Variants in SUCLG2 observed in about 807,000 individuals in gnomAD.
SUCLG2 encodes the protein succinate-CoA ligase GDP-forming subunit beta, also known as succinate--CoA ligase [GDP-forming] subunit beta, mitochondrial.
A neutral mutation model predicts 47.9 loss-of-function variants in SUCLG2; 42 were observed. The observed-to-expected ratio is 0.88, with a 90% CI of 0.69 to 1.14. The LOEUF (loss-of-function observed/expected upper bound fraction) is 1.14, where lower values mean the gene tolerates loss of function less well. Among genes scored for constraint, SUCLG2 ranks in the 50% most tolerant of loss-of-function variants. The probability of loss-of-function intolerance (pLI) is 0.00; values close to 1 mark genes in which losing one functional copy is unlikely to be tolerated. For missense variants in SUCLG2, 571 were observed against 525.9 expected, an observed-to-expected ratio of 1.09 and a Z score of -0.84; for synonymous variants, 195 against 197.3, an observed-to-expected ratio of 0.99 and a Z score of 0.10.
intron 7 of SUCLG2, among the ~76,000 whole-genome samples, chr3:67,504,012 A>C (rs147709045): frequency 0.014 from 2,205 of 152,336 alleles, 22 homozygotes; most frequent in Non-Finnish European, 0.021. Context: ...ATAAAACAGC[A>C]GGAAATAAGA....
chr3:67,477,848 G>A (rs1704807790), intron 9 of SUCLG2, among the ~76,000 whole-genome samples: 1 of 152,106 alleles, frequency 6.6e-6, no homozygotes, highest in Non-Finnish European at 1.5e-5. Flanking sequence ...TACTTATTTT[G>A]TGGAATAAAA....
intron 2 of SUCLG2, among the ~76,000 whole-genome samples, chr3:67,576,698 C>A (rs923703866): frequency 3.3e-5 from 5 of 152,180 alleles, no homozygotes. Context: ...TTTTTCCCAA[C>A]TGTTGATTTT....
intron 2 of SUCLG2, among the ~76,000 whole-genome samples, chr3:67,578,864 G>A (rs1559580398): frequency 6.6e-6 from 1 of 152,202 alleles, no homozygotes; most frequent in Admixed American, 6.5e-5. Flanking sequence ...CTGGGCCTCA[G>A]AGGAGAAAAA....
At chr3:67,508,678 C>G (rs1193240627) in intron 7 of SUCLG2, 129 bp downstream of exon 7, 2 of 725,228 alleles carry the variant, frequency 2.8e-6, no homozygotes, top group Non-Finnish European at 4.5e-6. Flanking sequence ...GCATTTCAAA[C>G]TATGGCAGAA....
chr3:67,563,218 C>T (rs148872120), intron 2 of SUCLG2, among the ~76,000 whole-genome samples: 2,196 of 151,990 alleles, frequency 0.014, 57 homozygotes, highest in African/African-American at 0.051. Context: ...AAAACCAGAG[C>T]CAGAAATCGC....
At chr3:67,451,616 T>G (rs1704058857) in intron 9 of SUCLG2, among the ~76,000 whole-genome samples, 1 of 152,112 alleles carries the variant, frequency 6.6e-6, no homozygotes. Context: ...TCTACCACAA[T>G]GACTATTTTC....
Position 67,617,423 on chromosome 3 carries a change from T to C in SUCLG2, c.85-7827A>G, listed in dbSNP as rs1309209138. ...CCTATGGAAAGGAAAAAAATAATAATGTCAGATGTAGAAGGAAGAATAGGA... is the reference window on the plus strand; with the variant it reads ...CCTATGGAAAGGAAAAAAATAATAACGTCAGATGTAGAAGGAAGAATAGGA... On this transcript the variant is annotated intron_variant, in intron 1 of 10. Coordinates refer to ENST00000307227, the MANE Select transcript of SUCLG2 (RefSeq NM_003848.4). 2.6e-5 allele frequency among the ~76,000 whole-genome samples: 4 copies of C among 152,198 alleles called. No homozygotes were observed. In the East Asian group the frequency reaches 5.8e-4, roughly 22 times the overall value.
intron 10 of SUCLG2, among the ~76,000 whole-genome samples, chr3:67,395,972 A>G (rs1483242300): frequency 1.3e-5 from 2 of 152,208 alleles, no homozygotes. Context: ...TTTGAAACCA[A>G]CGAGAACAAA....
intron 9 of SUCLG2, among the ~76,000 whole-genome samples, chr3:67,456,510 A>G (rs1704190060): frequency 6.6e-6 from 1 of 152,326 alleles, no homozygotes; most frequent in South Asian, 2.1e-4. Flanking sequence ...TGATAATAGG[A>G]ACAGAGTTGC....
At chr3:67,634,585 A>C (rs1027850958) in intron 1 of SUCLG2, among the ~76,000 whole-genome samples, 26 of 152,306 alleles carry the variant, frequency 1.7e-4, no homozygotes, top group Admixed American at 1.5e-3. Flanking sequence ...TATTCTAGCT[A>C]CAAGAGTCAG....
intron 1 of SUCLG2, among the ~76,000 whole-genome samples, chr3:67,649,906 T>C (rs532606518): frequency 6.6e-6 from 1 of 152,320 alleles, no homozygotes; most frequent in Admixed American, 6.5e-5. Flanking sequence ...TTCTGGGCTT[T>C]GCGCCTGCAG....
At position 67,520,517 on chromosome 3, in the gene SUCLG2, C is replaced by A. The variant is rs1199809064; in HGVS notation, c.535G>T (p.Glu179Ter). The A allele has an allele frequency of 6.2e-7, 1 of 1,614,176 alleles. No individual in the cohort carries two copies. Among genetic ancestry groups the A allele is most frequent in the Middle Eastern group, 1.7e-4 (1 of 6,060 alleles). The change falls in exon 5 of 11, where the codon GAG (glutamate) becomes TAG (stop). Residue 179 changes from glutamate (E) to a stop codon, truncating the protein, a stop_gained. Coordinates refer to ENST00000307227, the MANE Select transcript of SUCLG2 (RefSeq NM_003848.4). LOFTEE classifies it high-confidence loss of function. Reference protein sequence around the residue: ...GSPQGGVDIEEVAASNPELIF... With the variant: ...GSPQGGVDIE ...AGCTCCGGGTTTGAAGCAGCCACCT[C>A]TTCAATGTCGACGCCCCCCTGGGGG...
In SUCLG2 at chr3:67,518,250, G is replaced by A. The variant is rs1222734948; in HGVS notation, c.657C>T (p.Ser219=). ...ENLGFVGPLK[S]QAADQITKLY... ...CATCCCCCAATGGCTTATATACCTG[G>A]CTTTTCAAAGGCCCAACGAAGCCTA... Residue 219 remains serine, a synonymous_variant, in exon 6 of 11, where the codon AGC becomes AGT. Transcript: ENST00000307227. 1.9e-6 allele frequency: 3 copies of A among 1,610,648 alleles called. No homozygotes were observed. Among genetic ancestry groups the A allele is most frequent in the Admixed American group, 1.7e-5 (1 of 59,674 alleles).
chr3:67,609,156 C>T (rs1700482229), intron 2 of SUCLG2, among the ~76,000 whole-genome samples: 1 of 152,232 alleles, frequency 6.6e-6, no homozygotes, highest in African/African-American at 2.4e-5. Flanking sequence ...GGCCATCACA[C>T]TGAAGGCTGT....
chr3:67,377,612 G>A (rs1432829387), intron 10 of SUCLG2, among the ~76,000 whole-genome samples: 1 of 152,072 alleles, frequency 6.6e-6, no homozygotes, highest in Admixed American at 6.6e-5. Flanking sequence ...TTCCTAGCTG[G>A]GGCAGCCCTG....
chr3:67,456,400 C>T (rs1013684789), intron 9 of SUCLG2, among the ~76,000 whole-genome samples: 1 of 152,302 alleles, frequency 6.6e-6, no homozygotes, highest in East Asian at 1.9e-4. Context: ...TCAAATGTAA[C>T]TGAAAAACAT....
chr3:67,609,460 C>T lies in SUCLG2; in HGVS notation c.221G>A (p.Arg74Lys). The change falls in exon 2 of 11, where the codon AGA becomes AAA. Residue 74 changes from arginine to lysine, a missense_variant. By Grantham distance (26) the Arg-to-Lys change is conservative. Transcript: ENST00000307227. The part of the protein sequence containing the change: ...TANEALEAAK[R>K]LNAKEIVLKA... ...CCCATTATGAATCAGCTTACTTAGT[C>T]TCTTAGCAGCCTCGAGAGCTTCATT... 2 of 1,611,872 alleles carry T rather than the reference C, an allele frequency of 1.2e-6. No individual in the cohort carries two copies. The highest frequency in any genetic ancestry group is 1.7e-6 in the Non-Finnish European group (2 of 1,179,568).
chr3:67,379,844 G>A (rs76456895), intron 10 of SUCLG2, among the ~76,000 whole-genome samples: 3,289 of 152,294 alleles, frequency 0.022, 125 homozygotes, highest in African/African-American at 0.074. Flanking sequence ...CTGGTACAAT[G>A]AACTTCTGGA....
chr3:67,473,581 G>A (rs1704659389), intron 9 of SUCLG2, among the ~76,000 whole-genome samples: 1 of 152,078 alleles, frequency 6.6e-6, no homozygotes, highest in African/African-American at 2.4e-5. Flanking sequence ...TTGACTACAC[G>A]ATACAACACA....
Sources: gnomAD v4.1 joint callset for allele counts (sites outside exome capture counted in the v4.1 genomes callset) on GRCh38, gnomAD v4.1.1 for gene constraint, MANE v1.5 for transcripts, NCBI Gene and HGNC (gene_info 2026-07-23, HGNC 2026-07-21) for gene names.